PARD3B: variants seen among roughly 807,000 people sequenced by gnomAD.
PARD3B encodes the protein par-3 family cell polarity regulator beta, also known as partitioning defective 3 homolog B.
Under a neutral mutation model 130.2 loss-of-function variants are expected in PARD3B, and 103 were observed. The ratio of observed to expected loss-of-function variants is 0.79; its 90% CI spans 0.67 to 0.93. PARD3B has a LOEUF of 0.93. Ranked by LOEUF, PARD3B falls within the 40% of genes least tolerant of loss-of-function variation. PARD3B has a pLI of 0.00. For synonymous variants in PARD3B, 583 were observed against 553.2 expected (o/e 1.05, Z -0.76); for missense variants, 1,609 against 1,499.2 (o/e 1.07, Z -1.21).
chr2:204,808,588 G>A (rs2042856647), intron 2 of PARD3B, among the ~76,000 whole-genome samples: 1 of 152,004 alleles, frequency 6.6e-6, no homozygotes, highest in Non-Finnish European at 1.5e-5. Context: ...GCAGTATTTG[G>A]TTTTCTGTTC....
chr2:205,561,106 G>T (rs1170548213), intron 22 of PARD3B, among the ~76,000 whole-genome samples: 1 of 152,164 alleles, frequency 6.6e-6, no homozygotes, highest in Non-Finnish European at 1.5e-5. Flanking sequence ...TATCCCAAAA[G>T]TATTTTGTCT....
At chr2:204,858,330 G>A (rs940439941) in intron 2 of PARD3B, among the ~76,000 whole-genome samples, 5 of 151,842 alleles carry the variant, frequency 3.3e-5, no homozygotes, top group African/African-American at 9.7e-5. Context: ...GGTATTTATC[G>A]GTAAAGAAAC....
chr2:204,798,413 A>G (rs1360238401), intron 2 of PARD3B, among the ~76,000 whole-genome samples: 1 of 152,172 alleles, frequency 6.6e-6, no homozygotes, highest in African/African-American at 2.4e-5. Flanking sequence ...CCCCCACAGC[A>G]GGCTAAAGCA....
At chr2:205,166,204 A>G (rs1240320097) in intron 11 of PARD3B, among the ~76,000 whole-genome samples, 1 of 152,184 alleles carries the variant, frequency 6.6e-6, no homozygotes, top group Non-Finnish European at 1.5e-5. Context: ...TATATAAAAA[A>G]CACTAATATG....
chr2:205,381,923 C>T (rs2045464371), intron 18 of PARD3B, among the ~76,000 whole-genome samples: 1 of 151,950 alleles, frequency 6.6e-6, no homozygotes, highest in South Asian at 2.1e-4. Flanking sequence ...TCTCCTTTTC[C>T]TTCTTGTTGT....
At chr2:205,129,467 C>G (rs2031784277) in intron 10 of PARD3B, among the ~76,000 whole-genome samples, 1 of 152,162 alleles carries the variant, frequency 6.6e-6, no homozygotes, top group African/African-American at 2.4e-5. Flanking sequence ...CTTTCAAAAA[C>G]TTGAAGGTGA....
intron 1 of PARD3B, among the ~76,000 whole-genome samples, chr2:204,656,819 C>T (rs1297589245): frequency 6.6e-6 from 1 of 152,130 alleles, no homozygotes; most frequent in Non-Finnish European, 1.5e-5. Context: ...CCCTCATGTA[C>T]CACCTTGTCC....
At chr2:205,059,980 A>G (rs1244831311) in intron 4 of PARD3B, among the ~76,000 whole-genome samples, 1 of 152,014 alleles carries the variant, frequency 6.6e-6, no homozygotes, top group Non-Finnish European at 1.5e-5. Context: ...TATTGCCTCC[A>G]TTTTACAGAC....
intron 7 of PARD3B, among the ~76,000 whole-genome samples, chr2:205,120,853 C>A (rs2030620014): frequency 6.6e-6 from 1 of 152,068 alleles, no homozygotes; most frequent in African/African-American, 2.4e-5. Context: ...ATCTTCTGGG[C>A]AAGAAAGAGT....
chr2:205,083,126 G>C (rs548576415), intron 4 of PARD3B, among the ~76,000 whole-genome samples: 74 of 152,032 alleles, frequency 4.9e-4, no homozygotes, highest in Non-Finnish European at 9.4e-4. Flanking sequence ...TCACCATGCT[G>C]ACCAGGTTGG....
intron 18 of PARD3B, among the ~76,000 whole-genome samples, chr2:205,350,020 G>A (rs567959940): frequency 4.1e-4 from 62 of 152,018 alleles, no homozygotes; most frequent in African/African-American, 1.4e-3. Context: ...TGGTTTGTGG[G>A]GTTCATCTGG....
intron 2 of PARD3B, among the ~76,000 whole-genome samples, chr2:204,825,582 A>G (rs2043536752): frequency 6.6e-6 from 1 of 152,234 alleles, no homozygotes; most frequent in South Asian, 2.1e-4. Context: ...CATAGCAGCA[A>G]TATTTTCAGT....
intron 15 of PARD3B, among the ~76,000 whole-genome samples, chr2:205,219,092 A>T (rs1181094591): frequency 6.6e-6 from 1 of 151,934 alleles, no homozygotes; most frequent in African/African-American, 2.4e-5. Context: ...AAAAAAAAAA[A>T]ATGCTGCCTG....
At chr2:205,383,251 A>G (rs527832721) in intron 18 of PARD3B, among the ~76,000 whole-genome samples, 1 of 152,198 alleles carries the variant, frequency 6.6e-6, no homozygotes, top group South Asian at 2.1e-4. Flanking sequence ...CCAATACCAC[A>G]GTAATCATTC....
chr2:205,411,112 A>G (rs2046582698), intron 19 of PARD3B, among the ~76,000 whole-genome samples: 1 of 152,108 alleles, frequency 6.6e-6, no homozygotes, highest in African/African-American at 2.4e-5. Flanking sequence ...GTGCTACTGG[A>G]ATCTAGTAGG....
chr2:205,274,105 TAA>T lies in PARD3B; in HGVS notation c.2186-26419_2186-26418del, dbSNP rs1553655640. On this transcript the variant is annotated intron_variant, in intron 16 of 22. Transcript: ENST00000406610. The surrounding 1 kb of genome is among the most constrained non-coding windows in gnomAD (Gnocchi z 4.2). ...TAGATCTGGACAAATATAGTTTTTT[TAA>T]AAAAAGTCTATTTTATTTTCCCTCA... is the stretch of plus-strand genomic sequence containing the variant. Among the ~76,000 whole-genome samples the T allele has an allele frequency of 6.6e-6, 1 of 152,140 alleles. No homozygotes were observed.
At chr2:205,580,808 C>A (rs1424207254) in intron 22 of PARD3B, among the ~76,000 whole-genome samples, 1 of 151,980 alleles carries the variant, frequency 6.6e-6, no homozygotes, top group African/African-American at 2.4e-5. Flanking sequence ...TGAGAAGGCA[C>A]GAGACACTAA....
rs559164042 is a variant in PARD3B, at chr2:204,924,553, G to A, written c.223-40599G>A. Among the ~76,000 whole-genome samples the A allele has an allele frequency of 2.6e-5, 4 of 152,150 alleles. No homozygotes were observed. In the South Asian group the frequency reaches 8.3e-4, roughly 32 times the overall value. On this transcript the variant is annotated intron_variant, in intron 2 of 22. Coordinates refer to ENST00000406610, the MANE Select transcript of PARD3B (RefSeq NM_001302769.2). ...ATTGTTAAAAAGTCATCTGTGAATA[G>A]TCTTTTGCAAGATTTGGCTCCCTCT...
rs187443723 is a variant in PARD3B, at chr2:205,153,962, A to G, written c.1435-4760A>G. 2.0e-3 allele frequency among the ~76,000 whole-genome samples: 309 copies of G among 152,336 alleles called. 1 individual carries two copies. The highest frequency in any genetic ancestry group is 6.7e-3 in the African/African-American group (278 of 41,586). The stretch of plus-strand genomic sequence containing the variant: ...AAAACCCTAGAAGAAAACCTACGCA[A>G]TATCATTCAGGACATAGGCATGGGC... On this transcript the variant is annotated intron_variant, in intron 10 of 22. Transcript: ENST00000406610.
Sources: allele counts gnomAD v4.1 joint callset (sites outside exome capture counted in the v4.1 genomes callset), GRCh38; gene constraint gnomAD v4.1.1; non-coding constraint Gnocchi (gnomAD v3.1); transcripts MANE v1.5; gene names NCBI Gene and HGNC (gene_info 2026-07-23, HGNC 2026-07-21).